STIM2: variants seen among roughly 807,000 people sequenced by gnomAD.
The protein encoded by STIM2 is stromal interaction molecule 2.
STIM2 carries 31 observed loss-of-function variants against 85.8 expected under a neutral mutation model. The ratio of observed to expected loss-of-function variants is 0.36; its 90% CI spans 0.27 to 0.49. The LOEUF (loss-of-function observed/expected upper bound fraction) is 0.49, where lower values mean the gene tolerates loss of function less well. Ranked by LOEUF, STIM2 falls within the 20% of genes least tolerant of loss-of-function variation. The pLI is 0.98. For missense variants in STIM2, 841 were observed against 927.6 expected, an observed-to-expected ratio of 0.91 and a Z score of 1.21; for synonymous variants, 356 against 331.1, an observed-to-expected ratio of 1.08 and a Z score of -0.82.
intron 1 of STIM2, among the ~76,000 whole-genome samples, chr4:26,865,047 A>T (rs996081612): frequency 6.6e-6 from 1 of 152,172 alleles, no homozygotes; most frequent in Non-Finnish European, 1.5e-5. Flanking sequence ...CTCAAAGTGG[A>T]TTCAGATAGC....
At chr4:26,960,069 G>C (rs939072011) in intron 3 of STIM2, among the ~76,000 whole-genome samples, 2 of 152,154 alleles carry the variant, frequency 1.3e-5, no homozygotes, top group Admixed American at 6.5e-5. Context: ...ATGTAAGGGT[G>C]GGGTATTGTT....
intron 2 of STIM2, among the ~76,000 whole-genome samples, chr4:26,945,150 T>G (rs564157645): frequency 7.3e-4 from 111 of 152,336 alleles, no homozygotes; most frequent in Non-Finnish European, 1.4e-3. Context: ...CATGTGTCCA[T>G]GTGTTCTCAT....
chr4:26,914,013 T>G (rs1281440634), intron 1 of STIM2, among the ~76,000 whole-genome samples: 5 of 152,192 alleles, frequency 3.3e-5, no homozygotes, highest in African/African-American at 1.2e-4. Flanking sequence ...GGAGGATCAT[T>G]TAAGTTGGAA....
At chr4:26,917,213 C>G (rs1435713403) in intron 1 of STIM2, among the ~76,000 whole-genome samples, 1 of 152,106 alleles carries the variant, frequency 6.6e-6, no homozygotes, top group African/African-American at 2.4e-5. Flanking sequence ...AAGATAAAAT[C>G]GAAAATTTCA....
intron 2 of STIM2, among the ~76,000 whole-genome samples, chr4:26,948,732 C>T (rs1020616539): frequency 1.3e-5 from 2 of 151,720 alleles, no homozygotes; most frequent in African/African-American, 2.4e-5. Flanking sequence ...TCTGGAAATG[C>T]CTTCATTTTC....
At chr4:26,964,631 G>T (rs182572411) in intron 3 of STIM2, among the ~76,000 whole-genome samples, 42 of 152,216 alleles carry the variant, frequency 2.8e-4, no homozygotes, top group Non-Finnish European at 4.7e-4. Context: ...GGGCTTGGAG[G>T]GGGGGTTTAT....
At chr4:26,973,546 G>A (rs1022422916) in intron 3 of STIM2, among the ~76,000 whole-genome samples, 11 of 152,184 alleles carry the variant, frequency 7.2e-5, no homozygotes, top group African/African-American at 1.2e-4. Flanking sequence ...TAGTTGTGCG[G>A]TTTTGAGTGA....
chr4:26,914,760 C>T (rs1577435027), intron 1 of STIM2, among the ~76,000 whole-genome samples: 1 of 152,106 alleles, frequency 6.6e-6, no homozygotes, highest in South Asian at 2.1e-4. Context: ...ATATAATATA[C>T]TTAATATAAT....
chr4:26,988,511 T>A (rs1426154555), intron 3 of STIM2, among the ~76,000 whole-genome samples: 4 of 152,210 alleles, frequency 2.6e-5, no homozygotes, highest in African/African-American at 4.8e-5. Context: ...ATAAACTATC[T>A]GTGGTACCTT....
At chr4:26,936,127 GTTA>G (rs1393182250) in intron 2 of STIM2, among the ~76,000 whole-genome samples, 1 of 152,196 alleles carries the variant, frequency 6.6e-6, no homozygotes, top group Non-Finnish European at 1.5e-5. Context: ...CATTGTGCAA[GTTA>G]TTGAGACAGA....
intron 1 of STIM2, chr4:26,874,046 C>T: frequency 1.5e-6 from 1 of 672,430 alleles, no homozygotes; most frequent in Non-Finnish European, 2.8e-6. Context: ...GTCAGGACTC[C>T]TGGATTCTCT....
At chr4:27,019,650 C>T in intron 11 of STIM2, 3 of 399,084 alleles carry the variant, frequency 7.5e-6, no homozygotes, top group South Asian at 4.3e-5. Context: ...CCACCAGAAT[C>T]CTTACAAAAT....
chr4:26,942,109 G>C (rs891753168), intron 2 of STIM2, among the ~76,000 whole-genome samples: 29 of 152,196 alleles, frequency 1.9e-4, no homozygotes, highest in Admixed American at 1.9e-3. Context: ...TGTTACGATT[G>C]GGGTTGGGAA....
chr4:26,996,938 A>G (rs184807641), intron 4 of STIM2, among the ~76,000 whole-genome samples: 1 of 152,304 alleles, frequency 6.6e-6, no homozygotes, highest in East Asian at 1.9e-4. Flanking sequence ...AGTAAAGATG[A>G]TCAGAGATGC....
At position 26,898,331 on chromosome 4, in the gene STIM2, C is replaced by T. The variant is rs532386732; in HGVS notation, c.152-21173C>T. Among the ~76,000 whole-genome samples, 7 of 152,282 alleles carry T rather than the reference C, an allele frequency of 4.6e-5. No homozygotes were observed. In the East Asian group the frequency reaches 1.4e-3, roughly 29 times the overall value. ...TAGACAAGAATACCTCGTAGAAGTA[C>T]TGTGTACTTCTTGTTATATTACATC... On this transcript the variant is annotated intron_variant, in intron 1 of 11. Coordinates refer to ENST00000467087, the MANE Select transcript of STIM2 (RefSeq NM_020860.4).
At chr4:26,989,712 A>G (rs1205628921) in intron 3 of STIM2, among the ~76,000 whole-genome samples, 1 of 152,224 alleles carries the variant, frequency 6.6e-6, no homozygotes, top group East Asian at 1.9e-4. Flanking sequence ...ATATTTAGAA[A>G]AACCTAGACT....
chr4:26,993,234 A>G (rs1490828977), intron 3 of STIM2, among the ~76,000 whole-genome samples: 1 of 152,140 alleles, frequency 6.6e-6, no homozygotes, highest in Non-Finnish European at 1.5e-5. Flanking sequence ...TGAATGCACT[A>G]AATTCAGTGG....
At chr4:26,937,854 A>G (rs780839611) in intron 2 of STIM2, among the ~76,000 whole-genome samples, 1 of 152,160 alleles carries the variant, frequency 6.6e-6, no homozygotes, top group African/African-American at 2.4e-5. Context: ...TGCTACTGCT[A>G]AACACTGGCT....
At chr4:27,020,893 C>A in intron 11 of STIM2, 1 of 979,342 alleles carries the variant, frequency 1.0e-6, no homozygotes, top group Non-Finnish European at 1.5e-6. Context: ...TCTTGCCTTT[C>A]TGTTCTGCCT....
Sources: gnomAD v4.1 joint callset for allele counts (sites outside exome capture counted in the v4.1 genomes callset) on GRCh38, gnomAD v4.1.1 for gene constraint, MANE v1.5 for transcripts, NCBI Gene and HGNC (gene_info 2026-07-23, HGNC 2026-07-21) for gene names.